The following ZNF462 variants were observed in gnomAD, a reference collection of about 807,000 sequenced individuals.
The protein encoded by ZNF462 is zinc finger protein 462.
ZNF462 carries 10 observed loss-of-function variants against 201.9 expected under a neutral mutation model. The observed-to-expected ratio is 0.05, with a 90% CI of 0.03 to 0.08. ZNF462 has a LOEUF of 0.08. Ranked by LOEUF, ZNF462 falls within the 10% of genes least tolerant of loss-of-function variation. The pLI is 1.00. For missense variants in ZNF462, 2,523 were observed against 3,168.3 expected, an observed-to-expected ratio of 0.80 and a Z score of 4.89; for synonymous variants, 1,227 against 1,193.3, an observed-to-expected ratio of 1.03 and a Z score of -0.58.
intron 10 of ZNF462, among the ~76,000 whole-genome samples, chr9:106,998,898 C>T (rs1329089541): frequency 1.3e-5 from 2 of 151,996 alleles, no homozygotes; most frequent in African/African-American, 2.4e-5. Context: ...CGTGAGTCAC[C>T]GCACCCAGCC....
chr9:106,930,403 C>G lies in ZNF462; in HGVS notation c.5848-122C>G. On this transcript the variant is annotated intron_variant, in intron 3 of 12. Coordinates refer to ENST00000277225, the MANE Select transcript of ZNF462 (RefSeq NM_021224.6). The surrounding 1 kb of genome is among the most constrained non-coding windows in gnomAD (Gnocchi z 5.8). ...GTTATATAAAAATACTCGCCTATAT[C>G]TCCCTTGGTTTTTAACCTGCTAATC... The G allele has an allele frequency of 7.8e-7, 1 of 1,274,896 alleles. No individual in the cohort carries two copies. The highest frequency in any genetic ancestry group is 1.1e-6 in the Non-Finnish European group (1 of 932,274). The allele number at this position is 1,274,896 out of a possible 1,614,324, so 79.0% of individuals were successfully genotyped here.
In ZNF462 at chr9:106,962,101, G is replaced by A. The variant is rs1040298307; in HGVS notation, c.6428-9904G>A. On this transcript the variant is annotated intron_variant, in intron 7 of 12. Coordinates refer to ENST00000277225, the MANE Select transcript of ZNF462 (RefSeq NM_021224.6). The surrounding 1 kb of genome is among the most constrained non-coding windows in gnomAD (Gnocchi z 4.6). The stretch of plus-strand genomic sequence containing the variant: ...GAAAGTGAGTGTCATGATCACATTT[G>A]CATTTTAGAAAAGAAAGGAATCATA... Among the ~76,000 whole-genome samples the A allele has an allele frequency of 2.0e-5, 3 of 151,974 alleles. No homozygotes were observed. Among genetic ancestry groups the A allele is most frequent in the African/African-American group, 4.8e-5 (2 of 41,386 alleles).
chr9:106,920,506 G>A lies in ZNF462; in HGVS notation c.-30-2848G>A, dbSNP rs942746854. Among the ~76,000 whole-genome samples, 8 of 152,178 alleles carry A rather than the reference G, an allele frequency of 5.3e-5. No individual in the cohort carries two copies. Among genetic ancestry groups the A allele is most frequent in the African/African-American group, 9.7e-5 (4 of 41,434 alleles). On this transcript the variant is annotated intron_variant, in intron 1 of 12. Transcript: ENST00000277225. This position sits in a 1 kb window ranked among gnomAD's most constrained non-coding sequence, Gnocchi z 4.3. ...TCTACCTGATGCTGGTTCTCTCAGC[G>A]GCCTGGAGATTAACCTCTTCTAAGG... is the stretch of plus-strand genomic sequence containing the variant.
Position 106,930,049 on chromosome 9 carries a change from C to G in ZNF462, c.5847+290C>G, listed in dbSNP as rs1180815688. Among the ~76,000 whole-genome samples, 1 of 152,076 alleles carries G rather than the reference C, an allele frequency of 6.6e-6. No individual in the cohort carries two copies. Among genetic ancestry groups the G allele is most frequent in the Non-Finnish European group, 1.5e-5 (1 of 68,016 alleles). On this transcript the variant is annotated intron_variant, in intron 3 of 12. Coordinates refer to ENST00000277225, the MANE Select transcript of ZNF462 (RefSeq NM_021224.6). The surrounding 1 kb of genome is among the most constrained non-coding windows in gnomAD (Gnocchi z 5.8). ...TTCTGCCAAGTAGCTTTATCTGAAG[C>G]CTAGTTTTACAACAACGCTCGCTCT...
intron 1 of ZNF462, among the ~76,000 whole-genome samples, chr9:106,874,314 T>A (rs940265076): frequency 6.6e-6 from 1 of 152,188 alleles, no homozygotes; most frequent in Non-Finnish European, 1.5e-5. Context: ...GAGCAGCCTG[T>A]CTCAAAGACC....
At position 106,923,599 on chromosome 9, in the gene ZNF462, A is replaced by C. The variant is rs757198334; in HGVS notation, c.216A>C (p.Leu72Phe). The C allele has an allele frequency of 6.2e-7, 1 of 1,614,116 alleles. No individual in the cohort carries two copies. Among genetic ancestry groups the C allele is most frequent in the Non-Finnish European group, 8.5e-7 (1 of 1,179,940 alleles). The change falls in exon 2 of 13, where the codon TTA (leucine) becomes TTC (phenylalanine). Residue 72 changes from leucine (L) to phenylalanine (F), a missense_variant. Transcript: ENST00000277225. This position sits in a 1 kb window ranked among gnomAD's most constrained non-coding sequence, Gnocchi z 5.6. ...IKDEFAIAED[L>F]SGQNATSLGT... ...ATGAATTTGCCATTGCAGAAGATTT[A>C]TCAGGTAAATCTATACTAAACTTGG...
Position 106,928,033 on chromosome 9 carries a change from G to A in ZNF462, c.4121G>A (p.Cys1374Tyr), listed in dbSNP as rs1245801584. ...GCCAAAACCTACAGATGCAGGGACT[G>A]TGTTTTCGAAGCTGTTTCCATCTGG... ...AEAKTYRCRDCVFEAVSIWDI... is the reference protein window; with the variant it reads ...AEAKTYRCRDYVFEAVSIWDI... The change falls in exon 3 of 13, where the codon TGT becomes TAT. Residue 1374 changes from cysteine to tyrosine, a missense_variant. By Grantham distance (194) the Cys-to-Tyr change is radical (BLOSUM62 -2). Transcript: ENST00000277225. This position sits in a 1 kb window ranked among gnomAD's most constrained non-coding sequence, Gnocchi z 9.3. 6.2e-7 allele frequency: 1 copy of A among 1,614,204 alleles called. No homozygotes were observed. The highest frequency in any genetic ancestry group is 8.5e-7 in the Non-Finnish European group (1 of 1,180,042).
At chr9:106,994,277 A>C (rs1828524151) in intron 10 of ZNF462, among the ~76,000 whole-genome samples, 1 of 152,160 alleles carries the variant, frequency 6.6e-6, no homozygotes, top group Non-Finnish European at 1.5e-5. Flanking sequence ...GGAAAACAGC[A>C]AAACATTAAG....
At chr9:106,892,782 G>A (rs1056323257) in intron 1 of ZNF462, among the ~76,000 whole-genome samples, 1 of 151,928 alleles carries the variant, frequency 6.6e-6, no homozygotes, top group East Asian at 1.9e-4. Flanking sequence ...TGTTTCCTCC[G>A]TCATCTGTAC....
chr9:107,002,530 T>A (rs1829267536), intron 10 of ZNF462, among the ~76,000 whole-genome samples: 1 of 152,206 alleles, frequency 6.6e-6, no homozygotes, highest in African/African-American at 2.4e-5. Context: ...TAAAGACTTT[T>A]CTTAGTGTAG....
chr9:106,918,375 A>G (rs1829864019), intron 1 of ZNF462, among the ~76,000 whole-genome samples: 1 of 152,218 alleles, frequency 6.6e-6, no homozygotes, highest in African/African-American at 2.4e-5. Flanking sequence ...GTGTTTGTGT[A>G]TAGATATATA....
At position 106,926,674 on chromosome 9, in the gene ZNF462, C is replaced by T. The variant is rs746618326; in HGVS notation, c.2762C>T (p.Ser921Leu). 20 of 1,613,912 alleles carry T rather than the reference C, an allele frequency of 1.2e-5. No homozygotes were observed. The highest frequency in any genetic ancestry group is 2.2e-5 in the East Asian group (1 of 44,884). Reference sequence around the variant, plus strand: ...ATGAATGTACTCAACTTTGATCACTCGGACCTGATCTACCGGTGTCGGTTT... The same window carrying T: ...ATGAATGTACTCAACTTTGATCACTTGGACCTGATCTACCGGTGTCGGTTT... ...EAMNVLNFDH[S>L]DLIYRCRFCS... is the part of the protein sequence containing the mutation. The change falls in exon 3 of 13, where the codon TCG becomes TTG. Residue 921 changes from serine (S) to leucine (L), a missense_variant. Around this residue, in one of 15 missense-constraint regions of ZNF462, gnomAD observed 280 missense variants for 321.3 expected, o/e 0.87. Transcript: ENST00000277225. The surrounding 1 kb of genome is among the most constrained non-coding windows in gnomAD (Gnocchi z 7.9).
chr9:106,911,567 T>C (rs1389530947), intron 1 of ZNF462, among the ~76,000 whole-genome samples: 1 of 152,240 alleles, frequency 6.6e-6, no homozygotes, highest in African/African-American at 2.4e-5. Context: ...ACAAGTTCTT[T>C]GGTGATGCTG....
chr9:106,940,873 T>C (rs1588091131), intron 7 of ZNF462, among the ~76,000 whole-genome samples: 1 of 151,884 alleles, frequency 6.6e-6, no homozygotes, highest in Admixed American at 6.6e-5. Flanking sequence ...CCAGGAAAGG[T>C]TGGTATATTG....
At chr9:106,869,533 C>T (rs972671225) in intron 1 of ZNF462, among the ~76,000 whole-genome samples, 23 of 152,186 alleles carry the variant, frequency 1.5e-4, no homozygotes, top group Non-Finnish European at 2.9e-5. Flanking sequence ...ATTTTCTAAG[C>T]TCCTTCCAAA....
intron 1 of ZNF462, among the ~76,000 whole-genome samples, chr9:106,864,238 G>T (rs1222386558): frequency 1.3e-5 from 2 of 151,978 alleles, no homozygotes; most frequent in East Asian, 1.9e-4. Flanking sequence ...GGGGGCGCAG[G>T]TTCAGGAGCG....
Position 106,904,769 on chromosome 9 carries a change from TG to T in ZNF462, c.-30-18584del, listed in dbSNP as rs552461578. Among the ~76,000 whole-genome samples, 21 of 152,326 alleles carry T rather than the reference TG, an allele frequency of 1.4e-4. No individual in the cohort carries two copies. In the East Asian group the frequency reaches 2.3e-3, roughly 17 times the overall value. On this transcript the variant is annotated intron_variant, in intron 1 of 12. Transcript: ENST00000277225. ...GTCCAAAGTTTTCTGAATTTTTGAT[TG>T]TTTTTTTTCTTTAAGCTATCTGTTT...
intron 1 of ZNF462, among the ~76,000 whole-genome samples, chr9:106,901,068 G>A (rs1829045253): frequency 6.6e-6 from 1 of 152,128 alleles, no homozygotes; most frequent in Non-Finnish European, 1.5e-5. Context: ...TTTGTATAAA[G>A]TAAGAGATGA....
Position 106,993,311 on chromosome 9 carries a change from TC to T in ZNF462, c.7056+8904del, listed in dbSNP as rs1161195310. The stretch of plus-strand genomic sequence containing the variant: ...AGGTCCTTAAAGTCAAATATACCAT[TC>T]CTTTTAAGAACCAAAATCTCCAGTG... On this transcript the variant is annotated intron_variant, in intron 10 of 12. Transcript: ENST00000277225. This position sits in a 1 kb window ranked among gnomAD's most constrained non-coding sequence, Gnocchi z 4.0. Among the ~76,000 whole-genome samples the T allele has an allele frequency of 1.3e-5, 2 of 152,060 alleles. No individual in the cohort carries two copies. The highest frequency in any genetic ancestry group is 2.1e-4 in the South Asian group (1 of 4,826).
Sources: allele counts gnomAD v4.1 joint callset (sites outside exome capture counted in the v4.1 genomes callset), GRCh38; gene constraint gnomAD v4.1.1; regional missense constraint gnomAD v4.1.1; non-coding constraint Gnocchi (gnomAD v3.1); transcripts MANE v1.5; gene names NCBI Gene and HGNC (gene_info 2026-07-23, HGNC 2026-07-21).